RAB11FIP4: variants seen among roughly 807,000 people sequenced by gnomAD.
The protein encoded by RAB11FIP4 is rab11 family-interacting protein 4.
In RAB11FIP4, 23 loss-of-function variants were observed where a neutral mutation model predicts 74.3. That is an observed-to-expected ratio of 0.31 (90% CI 0.22 to 0.44). RAB11FIP4 has a LOEUF of 0.44. Ranked by LOEUF, RAB11FIP4 falls within the 20% of genes least tolerant of loss-of-function variation. The pLI is 1.00. For synonymous variants in RAB11FIP4, 360 were observed against 359.9 expected (o/e 1.00, Z 0.00); for missense variants, 630 against 863.9 (o/e 0.73, Z 3.39).
At chr17:31,466,588 C>T (rs529430924) in intron 3 of RAB11FIP4, among the ~76,000 whole-genome samples, 1 of 152,194 alleles carries the variant, frequency 6.6e-6, no homozygotes, top group African/African-American at 2.4e-5. Flanking sequence ...GGCTTCTACA[C>T]TCGTCCCACA....
In RAB11FIP4 at chr17:31,512,842, T is replaced by TGTGTGTCAGATGCGAACGTGAAATA. The variant is rs2072477261; in HGVS notation, c.337-4809_337-4808insGTGTGTCAGATGCGAACGTGAAATA. On this transcript the variant is annotated intron_variant, in intron 3 of 14. Coordinates refer to ENST00000621161, the MANE Select transcript of RAB11FIP4 (RefSeq NM_032932.6). The surrounding 1 kb of genome is among the most constrained non-coding windows in gnomAD (Gnocchi z 4.1). ...GGTGACTGGACGGCCGTGTGTGGAC[T>TGTGTGTCAGATGCGAACGTGAAATA]CCTTTTTCACACAGCAGGCGGGAAT... Among the ~76,000 whole-genome samples, 1 of 152,006 alleles carries TGTGTGTCAGATGCGAACGTGAAATA rather than the reference T, an allele frequency of 6.6e-6. No individual in the cohort carries two copies. The highest frequency in any genetic ancestry group is 1.5e-5 in the Non-Finnish European group (1 of 67,992).
chr17:31,529,832 C>A, intron 13 of RAB11FIP4, among the ~76,000 whole-genome samples: 1 of 152,204 alleles, frequency 6.6e-6, no homozygotes, highest in Admixed American at 6.5e-5. Flanking sequence ...CAGGTGTGAG[C>A]ATTAGGGCTC....
At chr17:31,493,324 G>C (rs1364220020) in intron 3 of RAB11FIP4, among the ~76,000 whole-genome samples, 1 of 152,196 alleles carries the variant, frequency 6.6e-6, no homozygotes, top group African/African-American at 2.4e-5. Flanking sequence ...GTACCAGAAA[G>C]AGGAAGGCCT....
chr17:31,528,652 C>T lies in RAB11FIP4; in HGVS notation c.1527C>T (p.His509=). The T allele has an allele frequency of 6.2e-7, 1 of 1,613,592 alleles. No homozygotes were observed. The highest frequency in any genetic ancestry group is 8.5e-7 in the Non-Finnish European group (1 of 1,179,888). The change falls in exon 13 of 15, where the codon CAC becomes CAT. Residue 509 remains histidine (H), a synonymous_variant. Transcript: ENST00000621161. The part of the protein sequence containing the change: ...LIEDLRKELE[H]LQMYKLDCER... ...AGGACTTGCGGAAGGAGCTGGAGCA[C>T]CTGCAGATGTACAAGCTGGACTGCG... is the stretch of plus-strand genomic sequence containing the variant.
intron 3 of RAB11FIP4, among the ~76,000 whole-genome samples, chr17:31,446,382 C>T (rs1376556141): frequency 2.0e-5 from 3 of 152,124 alleles, no homozygotes; most frequent in African/African-American, 7.2e-5. Context: ...TGCGGCCGAG[C>T]GTCCACCCTT....
intron 3 of RAB11FIP4, among the ~76,000 whole-genome samples, chr17:31,453,088 C>T (rs1396562112): frequency 2.0e-5 from 3 of 152,086 alleles, no homozygotes; most frequent in South Asian, 2.1e-4. Flanking sequence ...CGGTGGCTCA[C>T]GCCTGTAATT....
intron 3 of RAB11FIP4, among the ~76,000 whole-genome samples, chr17:31,464,283 T>C (rs1007545199): frequency 3.3e-5 from 5 of 151,572 alleles, no homozygotes; most frequent in Admixed American, 2.6e-4. Flanking sequence ...GTTGGTGGCA[T>C]TCTTCCCATC....
At chr17:31,490,485 C>G (rs1294688241) in intron 3 of RAB11FIP4, among the ~76,000 whole-genome samples, 2 of 151,972 alleles carry the variant, frequency 1.3e-5, no homozygotes, top group African/African-American at 4.8e-5. Context: ...AGAAGGCAGG[C>G]ATCTCCGAAT....
chr17:31,427,256 C>T (rs1407253552), intron 1 of RAB11FIP4, among the ~76,000 whole-genome samples: 1 of 152,228 alleles, frequency 6.6e-6, no homozygotes, highest in South Asian at 2.1e-4. Context: ...CCACTGCGCC[C>T]GGCTGGCCTG....
At chr17:31,528,833 G>A in intron 13 of RAB11FIP4, 55 bp downstream of exon 13, 2 of 1,557,520 alleles carry the variant, frequency 1.3e-6, no homozygotes, top group South Asian at 1.2e-5. Context: ...CCCACCACGT[G>A]GGTTTCCTGT....
At chr17:31,405,993 T>C (rs1219450378) in intron 1 of RAB11FIP4, among the ~76,000 whole-genome samples, 3 of 152,016 alleles carry the variant, frequency 2.0e-5, no homozygotes, top group African/African-American at 7.2e-5. Flanking sequence ...TCTGCACTAA[T>C]AGTGCAGACA....
chr17:31,434,467 CTGTT>C (rs2071339976), intron 3 of RAB11FIP4, among the ~76,000 whole-genome samples: 1 of 152,170 alleles, frequency 6.6e-6, no homozygotes, highest in Non-Finnish European at 1.5e-5. Context: ...TGAACGCTTC[CTGTT>C]TGTTTGTTTT....
intron 3 of RAB11FIP4, among the ~76,000 whole-genome samples, chr17:31,444,327 A>G (rs554999754): frequency 1.3e-5 from 2 of 150,542 alleles, no homozygotes; most frequent in East Asian, 2.0e-4. Context: ...TCTGGCCCCA[A>G]TATATTTTTC....
intron 1 of RAB11FIP4, among the ~76,000 whole-genome samples, chr17:31,423,000 A>G (rs1403695129): frequency 6.7e-6 from 1 of 149,724 alleles, no homozygotes; most frequent in Non-Finnish European, 1.5e-5. Context: ...GCTCACTGCA[A>G]GCTCTGCTTC....
chr17:31,491,375 C>G (rs2072005428), intron 3 of RAB11FIP4, among the ~76,000 whole-genome samples: 1 of 152,174 alleles, frequency 6.6e-6, no homozygotes, highest in Non-Finnish European at 1.5e-5. Context: ...AGACGAGAAC[C>G]CCTGCCTTCA....
chr17:31,487,948 T>G, intron 3 of RAB11FIP4: 4 of 710,418 alleles, frequency 5.6e-6, no homozygotes, highest in Non-Finnish European at 6.9e-6. Flanking sequence ...CGGGGCCGCG[T>G]CCCTGTCCTC....
At chr17:31,459,204 G>C (rs2071610408) in intron 3 of RAB11FIP4, among the ~76,000 whole-genome samples, 1 of 151,920 alleles carries the variant, frequency 6.6e-6, no homozygotes, top group Admixed American at 6.6e-5. Flanking sequence ...TCTCCCCTCA[G>C]CCACCTGTCA....
intron 3 of RAB11FIP4, chr17:31,488,162 T>A: frequency 1.9e-6 from 2 of 1,065,390 alleles, no homozygotes; most frequent in Non-Finnish European, 2.3e-6. Context: ...TTCCTGCGCT[T>A]CGGGGCTGCC....
intron 9 of RAB11FIP4, 150 bp from the exon 10 acceptor site, chr17:31,524,940 C>G: frequency 1.1e-6 from 1 of 884,808 alleles, no homozygotes; most frequent in South Asian, 1.6e-5. Flanking sequence ...GCGGTGTCCC[C>G]GTTCATCTCT....
Sources: allele counts gnomAD v4.1 joint callset (sites outside exome capture counted in the v4.1 genomes callset), GRCh38; gene constraint gnomAD v4.1.1; non-coding constraint Gnocchi (gnomAD v3.1); transcripts MANE v1.5; gene names NCBI Gene and HGNC (gene_info 2026-07-23, HGNC 2026-07-21).